The following UPF2 variants were observed in gnomAD, a reference collection of about 807,000 sequenced individuals.
UPF2 encodes regulator of nonsense transcripts 2.
Under a neutral mutation model 141.4 loss-of-function variants are expected in UPF2, and 17 were observed. That is an observed-to-expected ratio of 0.12 (90% CI 0.08 to 0.18). The LOEUF (loss-of-function observed/expected upper bound fraction) is 0.18. Ranked by LOEUF, UPF2 falls within the 10% of genes least tolerant of loss-of-function variation. The pLI, the probability that UPF2 is intolerant of heterozygous loss-of-function variation, is 1.00. For missense variants in UPF2, 1,152 were observed against 1,515.9 expected, an observed-to-expected ratio of 0.76 and a Z score of 3.99; for synonymous variants, 540 against 498.0, an observed-to-expected ratio of 1.08 and a Z score of -1.12.
At chr10:11,934,471 C>G (rs1229552032) in intron 19 of UPF2, among the ~76,000 whole-genome samples, 3 of 152,170 alleles carry the variant, frequency 2.0e-5, no homozygotes, top group Admixed American at 2.0e-4. Context: ...GAGGCAAGGC[C>G]GGACGATGGC....
chr10:12,026,174 A>C (rs1834416242), intron 3 of UPF2, among the ~76,000 whole-genome samples: 1 of 152,348 alleles, frequency 6.6e-6, no homozygotes, highest in South Asian at 2.1e-4. Flanking sequence ...ATCTAAATAA[A>C]GTTTAACAGA....
At chr10:11,989,767 A>G (rs149404551) in intron 8 of UPF2, among the ~76,000 whole-genome samples, 4 of 152,350 alleles carry the variant, frequency 2.6e-5, no homozygotes, top group African/African-American at 7.2e-5. Flanking sequence ...AGTATCTAGG[A>G]CTAAGCTGAG....
At chr10:12,010,857 A>G (rs891483680) in intron 4 of UPF2, among the ~76,000 whole-genome samples, 5 of 151,624 alleles carry the variant, frequency 3.3e-5, no homozygotes, top group African/African-American at 1.2e-4. Flanking sequence ...GATTATATAA[A>G]TAAGAACAAA....
Position 11,931,954 on chromosome 10 carries a change from T to C in UPF2, c.3547-172A>G, listed in dbSNP as rs892368385. Among the ~76,000 whole-genome samples, 5 of 152,064 alleles carry C rather than the reference T, an allele frequency of 3.3e-5. No individual in the cohort carries two copies. The highest frequency in any genetic ancestry group is 1.2e-4 in the African/African-American group (5 of 41,412). ...TCACGAGGTCAAGAGATCAAGACCATCCAGGCCAACATGATGAAACCCCGT... is the reference window on the plus strand; with the variant it reads ...TCACGAGGTCAAGAGATCAAGACCACCCAGGCCAACATGATGAAACCCCGT... On this transcript the variant is annotated intron_variant, in intron 19 of 21. Transcript: ENST00000357604. The surrounding 1 kb of genome is among the most constrained non-coding windows in gnomAD (Gnocchi z 5.9).
Position 11,952,304 on chromosome 10 carries a change from T to A in UPF2, c.2851-55A>T, listed in dbSNP as rs138092895. On this transcript the variant is annotated intron_variant, in intron 14 of 21. Transcript: ENST00000357604. Reference sequence around the variant, plus strand: ...ATAAGAAATTAGTAACAAAATATTTTAAAATAATAAACTATATTGTGCTGT... The same window carrying A: ...ATAAGAAATTAGTAACAAAATATTTAAAAATAATAAACTATATTGTGCTGT... 1.2e-3 allele frequency: 1,680 copies of A among 1,429,342 alleles called. 2 individuals are homozygous for A. Among genetic ancestry groups the A allele is most frequent in the Middle Eastern group, 2.3e-3 (9 of 3,908 alleles). 88.5% of individuals were successfully genotyped at this position (1,429,342 alleles called of 1,614,324 possible). A position where few individuals can be genotyped will look rare whatever the true frequency, so the allele number is the denominator to read the frequency against.
chr10:11,942,093 G>A (rs1039652833), intron 18 of UPF2, among the ~76,000 whole-genome samples: 1 of 152,188 alleles, frequency 6.6e-6, no homozygotes, highest in African/African-American at 2.4e-5. Flanking sequence ...TGACTTAATA[G>A]GCCAGGCATG....
chr10:11,976,101 A>G (rs139653470), intron 9 of UPF2, among the ~76,000 whole-genome samples: 7 of 152,304 alleles, frequency 4.6e-5, no homozygotes, highest in Non-Finnish European at 8.8e-5. Flanking sequence ...TCTAATTTCT[A>G]TTACCTTTTC....
chr10:11,994,625 G>A (rs905112175), intron 8 of UPF2, among the ~76,000 whole-genome samples: 7 of 152,104 alleles, frequency 4.6e-5, no homozygotes, highest in African/African-American at 7.2e-5. Flanking sequence ...AATATTTTAA[G>A]CTTGGACTAT....
At chr10:12,007,443 TA>T (rs1328202383) in intron 4 of UPF2, among the ~76,000 whole-genome samples, 1 of 151,996 alleles carries the variant, frequency 6.6e-6, no homozygotes, top group Non-Finnish European at 1.5e-5. Context: ...GAGGTAAAAA[TA>T]CTACCAAATC....
rs1300521454 is a variant in UPF2 at position 11,921,914 on chromosome 10, T to C, written c.3810-607A>G. 6.6e-6 allele frequency among the ~76,000 whole-genome samples: 1 copy of C among 152,214 alleles called. No individual in the cohort carries two copies. Among genetic ancestry groups the C allele is most frequent in the Non-Finnish European group, 1.5e-5 (1 of 68,034 alleles). On this transcript the variant is annotated intron_variant, in intron 21 of 21. Coordinates refer to ENST00000357604, the MANE Select transcript of UPF2 (RefSeq NM_015542.4). This position sits in a 1 kb window ranked among gnomAD's most constrained non-coding sequence, Gnocchi z 5.9. ...AACACTGAACTGCAGGACCTCAGAA[T>C]GTGACCGTATTTGGAAACAAGGTTG... is the stretch of plus-strand genomic sequence containing the variant.
At chr10:12,021,530 G>A (rs1468481357) in intron 3 of UPF2, among the ~76,000 whole-genome samples, 1 of 151,644 alleles carries the variant, frequency 6.6e-6, no homozygotes, top group African/African-American at 2.4e-5. Flanking sequence ...TCAAAAAAAA[G>A]GATCATATGT....
At position 12,019,706 on chromosome 10, in the gene UPF2, T is replaced by C. The variant is rs567739066; in HGVS notation, c.1146-5522A>G. Among the ~76,000 whole-genome samples the C allele has an allele frequency of 1.5e-4, 23 of 152,260 alleles. No homozygotes were observed. The South Asian group carries it at 4.6e-3, about 30-fold the overall frequency. On this transcript the variant is annotated intron_variant, in intron 3 of 21. Transcript: ENST00000357604. This position sits in a 1 kb window ranked among gnomAD's most constrained non-coding sequence, Gnocchi z 4.5. ...AAGAATCTCTAAAGTACGTCAGTCC[T>C]TGATTTTATGGAGTGTTTTTTTTTG...
In UPF2 at chr10:11,979,821, C is replaced by G. The variant is rs1833564190; in HGVS notation, c.1845-656G>C. On this transcript the variant is annotated intron_variant, in intron 8 of 21. Transcript: ENST00000357604. This position sits in a 1 kb window ranked among gnomAD's most constrained non-coding sequence, Gnocchi z 6.2. ...TCGGGAGGCTAAGGCAGGAGAATTG[C>G]TTGAACCCAGGAGGTAGAAGTTGCA... Among the ~76,000 whole-genome samples the G allele has an allele frequency of 6.6e-6, 1 of 152,172 alleles. No homozygotes were observed. Among genetic ancestry groups the G allele is most frequent in the Non-Finnish European group, 1.5e-5 (1 of 68,006 alleles).
At position 12,014,070 on chromosome 10, in the gene UPF2, C is replaced by G; in HGVS notation, c.1260G>C (p.Leu420Phe). Reference sequence around the variant, plus strand: ...GAGGAAGATCTGGCATATTTTCATCCAAAAGGTCTGCTAAGGATTGAGAAT... The same window carrying G: ...GAGGAAGATCTGGCATATTTTCATCGAAAAGGTCTGCTAAGGATTGAGAAT... ...LANSQSLADLLDENMPDLPQD... is the reference protein window; with the variant it reads ...LANSQSLADLFDENMPDLPQD... The change falls in exon 4 of 22, where the codon TTG becomes TTC. Residue 420 changes from leucine to phenylalanine, a missense_variant. This residue lies in a region of UPF2 where 739 missense variants were observed against 1,032.2 expected (regional missense o/e 0.72). Coordinates refer to ENST00000357604, the MANE Select transcript of UPF2 (RefSeq NM_015542.4). This position sits in a 1 kb window ranked among gnomAD's most constrained non-coding sequence, Gnocchi z 5.0. 1 of 1,591,382 alleles carries G rather than the reference C, an allele frequency of 6.3e-7. No individual in the cohort carries two copies. Among genetic ancestry groups the G allele is most frequent in the African/African-American group, 1.4e-5 (1 of 74,058 alleles).
chr10:12,008,206 A>G (rs946515407), intron 4 of UPF2, among the ~76,000 whole-genome samples: 1 of 152,152 alleles, frequency 6.6e-6, no homozygotes, highest in Admixed American at 6.6e-5. Flanking sequence ...GGGTGGGGGT[A>G]TAAAAGATTC....
chr10:12,035,398 G>A lies in UPF2; in HGVS notation c.26C>T (p.Ala9Val). The A allele has an allele frequency of 6.3e-7, 1 of 1,588,256 alleles. No homozygotes were observed. Among genetic ancestry groups the A allele is most frequent in the South Asian group, 1.2e-5 (1 of 86,038 alleles). The change falls in exon 2 of 22, where the codon GCA becomes GTA. Residue 9 changes from alanine to valine, a missense_variant. Ala to Val is a moderately conservative substitution (Grantham distance 64). Transcript: ENST00000357604. ...TAAAGAGTCTTTTTCTTCCATACTT[G>A]CTGGCTTTTTACGCTCAGCTGGCAT... MPAERKKP[A>V]SMEEKDSLPN...
chr10:12,018,794 A>C (rs1388202234), intron 3 of UPF2, among the ~76,000 whole-genome samples: 1 of 152,190 alleles, frequency 6.6e-6, no homozygotes, highest in Non-Finnish European at 1.5e-5. Context: ...GATCCTTTAG[A>C]AATTCTAATG....
Position 11,990,671 on chromosome 10 carries a change from T to C in UPF2, c.1844+7001A>G, listed in dbSNP as rs1402971756. ...CTCCAGCCTGGGTGAAGAGCAAGAC[T>C]CTGTCTCAAAAAAAAAAAAAAAAAG... On this transcript the variant is annotated intron_variant, in intron 8 of 21. Transcript: ENST00000357604. Among the ~76,000 whole-genome samples the C allele has an allele frequency of 3.7e-5, 4 of 107,674 alleles. No homozygotes were observed. The East Asian group carries it at 1.1e-3, about 29-fold the overall frequency. The allele number at this position is 107,674 out of a possible 152,430, so 70.6% of individuals were successfully genotyped here.
intron 7 of UPF2, 116 bp downstream of exon 7, chr10:11,999,790 T>C: frequency 1.2e-6 from 1 of 828,946 alleles, no homozygotes; most frequent in Non-Finnish European, 2.0e-6. Context: ...TAAGACTTTA[T>C]TTGAAGAAAT....
Sources: gnomAD v4.1 joint callset for allele counts (sites outside exome capture counted in the v4.1 genomes callset) on GRCh38, gnomAD v4.1.1 for gene constraint, gnomAD v4.1.1 regional missense constraint, Gnocchi (gnomAD v3.1) non-coding constraint, MANE v1.5 for transcripts, NCBI Gene and HGNC (gene_info 2026-07-23, HGNC 2026-07-21) for gene names.